Variants in LDLRAD3 observed in about 807,000 individuals in gnomAD.
The protein encoded by LDLRAD3 is low-density lipoprotein receptor class A domain-containing protein 3.
A neutral mutation model predicts 29.4 loss-of-function variants in LDLRAD3; 20 were observed. That is an observed-to-expected ratio of 0.68 (90% CI 0.48 to 0.99). The LOEUF (loss-of-function observed/expected upper bound fraction) is 0.99, where lower values mean the gene tolerates loss of function less well. Among genes scored for constraint, LDLRAD3 ranks in the 50% least tolerant of loss-of-function variants. LDLRAD3 has a pLI of 0.00. For synonymous variants in LDLRAD3, 157 were observed against 192.7 expected (o/e 0.81, Z 1.53); for missense variants, 420 against 454.3 (o/e 0.92, Z 0.69).
intron 2 of LDLRAD3, among the ~76,000 whole-genome samples, chr11:36,045,722 G>T (rs867693112): frequency 1.4e-4 from 19 of 138,634 alleles, no homozygotes; most frequent in South Asian, 1.2e-3. Flanking sequence ...GATCTGATGG[G>T]TTTTTTTTTT....
chr11:36,228,514 C>T (rs913957971), intron 5 of LDLRAD3, among the ~76,000 whole-genome samples: 1 of 152,218 alleles, frequency 6.6e-6, no homozygotes, highest in Admixed American at 6.5e-5. Flanking sequence ...TCAGTTTCCT[C>T]ACCAGAGCAA....
intron 3 of LDLRAD3, among the ~76,000 whole-genome samples, chr11:36,091,873 A>G (rs928664427): frequency 6.6e-6 from 1 of 152,206 alleles, no homozygotes; most frequent in Non-Finnish European, 1.5e-5. Context: ...TACTATTTCC[A>G]GGGTCCTGGA....
chr11:36,035,002 C>G (rs1276701076), intron 1 of LDLRAD3, among the ~76,000 whole-genome samples: 1 of 152,154 alleles, frequency 6.6e-6, no homozygotes, highest in Non-Finnish European at 1.5e-5. Context: ...GTCTAGACAT[C>G]CCTGTTCTTA....
Position 36,012,133 on chromosome 11 carries a change from T to C in LDLRAD3, c.47-23970T>C, listed in dbSNP as rs1851963225. Among the ~76,000 whole-genome samples, 3 of 152,078 alleles carry C rather than the reference T, an allele frequency of 2.0e-5. 1 individual carries two copies. Among genetic ancestry groups the C allele is most frequent in the African/African-American group, 7.2e-5 (3 of 41,380 alleles). On this transcript the variant is annotated intron_variant, in intron 1 of 5. Coordinates refer to ENST00000315571, the MANE Select transcript of LDLRAD3 (RefSeq NM_174902.4). ...GTAGTCTCCCCTTATCTTCGGGGGG[T>C]ACATTTCAAGACCCCCAGTGGATGC...
At chr11:36,142,584 C>T (rs968962297) in intron 4 of LDLRAD3, among the ~76,000 whole-genome samples, 2 of 152,082 alleles carry the variant, frequency 1.3e-5, no homozygotes, top group African/African-American at 4.8e-5. Context: ...TGTCTGGTTC[C>T]CGCCCCCGCC....
intron 4 of LDLRAD3, among the ~76,000 whole-genome samples, chr11:36,150,160 T>C (rs1043270062): frequency 6.6e-6 from 1 of 152,184 alleles, no homozygotes; most frequent in Non-Finnish European, 1.5e-5. Flanking sequence ...GCTGTGTCTG[T>C]CTTGGACACC....
At chr11:35,948,356 G>C (rs1420364054) in intron 1 of LDLRAD3, among the ~76,000 whole-genome samples, 5 of 151,826 alleles carry the variant, frequency 3.3e-5, no homozygotes, top group Admixed American at 3.3e-4. Context: ...GAAATGCTTG[G>C]ACCATTCTAA....
chr11:35,951,795 C>T (rs1412340490), intron 1 of LDLRAD3, among the ~76,000 whole-genome samples: 1 of 152,182 alleles, frequency 6.6e-6, no homozygotes, highest in Non-Finnish European at 1.5e-5. Context: ...GTAGTACCAG[C>T]CATGCACATA....
At chr11:36,068,754 G>A (rs1440861101) in intron 2 of LDLRAD3, among the ~76,000 whole-genome samples, 1 of 152,134 alleles carries the variant, frequency 6.6e-6, no homozygotes, top group Non-Finnish European at 1.5e-5. Context: ...CTGATCTCGT[G>A]ATCCACCCAC....
chr11:36,205,745 G>C (rs1181949362), intron 4 of LDLRAD3, among the ~76,000 whole-genome samples: 2 of 152,142 alleles, frequency 1.3e-5, no homozygotes, highest in Non-Finnish European at 2.9e-5. Context: ...AATTAGCTGA[G>C]TCTCCCTTTA....
At chr11:36,207,645 C>A (rs918343250) in intron 4 of LDLRAD3, among the ~76,000 whole-genome samples, 3 of 151,672 alleles carry the variant, frequency 2.0e-5, no homozygotes, top group African/African-American at 7.3e-5. Flanking sequence ...GTGTGAAGGG[C>A]TATTGAAGGG....
chr11:36,222,359 A>T (rs1855441268), intron 4 of LDLRAD3, among the ~76,000 whole-genome samples: 1 of 152,116 alleles, frequency 6.6e-6, no homozygotes, highest in Non-Finnish European at 1.5e-5. Flanking sequence ...AGCTGGGTTT[A>T]CAGATATGAG....
chr11:36,176,017 G>A (rs920562434), intron 4 of LDLRAD3, among the ~76,000 whole-genome samples: 6 of 152,102 alleles, frequency 3.9e-5, no homozygotes, highest in Admixed American at 1.3e-4. Context: ...TTAGAATTGT[G>A]ATATTTTCCT....
chr11:36,049,264 G>A (rs1852495224), intron 2 of LDLRAD3, among the ~76,000 whole-genome samples: 1 of 152,162 alleles, frequency 6.6e-6, no homozygotes, highest in African/African-American at 2.4e-5. Context: ...ATCCAAGTTA[G>A]GGTGTGCAGT....
intron 4 of LDLRAD3, among the ~76,000 whole-genome samples, chr11:36,109,721 GT>G (rs1488492579): frequency 6.6e-6 from 1 of 150,802 alleles, no homozygotes; most frequent in Non-Finnish European, 1.5e-5. Flanking sequence ...TTTTAGTTTA[GT>G]TTTCCAAATA....
chr11:36,083,763 C>G (rs1448003855), intron 3 of LDLRAD3, among the ~76,000 whole-genome samples: 1 of 151,412 alleles, frequency 6.6e-6, no homozygotes. Context: ...CACACACACA[C>G]ACACACACAC....
At chr11:36,108,827 C>T (rs1853568500) in intron 4 of LDLRAD3, among the ~76,000 whole-genome samples, 1 of 152,044 alleles carries the variant, frequency 6.6e-6, no homozygotes, top group Non-Finnish European at 1.5e-5. Context: ...AAAATGGTTG[C>T]CATCAGGGAA....
intron 1 of LDLRAD3, among the ~76,000 whole-genome samples, chr11:36,032,117 C>T (rs1469579581): frequency 6.6e-6 from 1 of 152,190 alleles, no homozygotes; most frequent in Non-Finnish European, 1.5e-5. Flanking sequence ...ACCCTAATGC[C>T]ATTGTTTTAA....
intron 4 of LDLRAD3, among the ~76,000 whole-genome samples, chr11:36,105,213 G>A (rs949532161): frequency 1.4e-5 from 2 of 145,294 alleles, no homozygotes; most frequent in African/African-American, 5.3e-5. Flanking sequence ...ATTTGTGTGT[G>A]TGTGTGTGTG....
Sources: allele counts gnomAD v4.1 joint callset (sites outside exome capture counted in the v4.1 genomes callset), GRCh38; gene constraint gnomAD v4.1.1; transcripts MANE v1.5; gene names NCBI Gene and HGNC (gene_info 2026-07-23, HGNC 2026-07-21).